B3GALNT2: variants seen among roughly 807,000 people sequenced by gnomAD.
B3GALNT2 encodes the protein beta-1,3-N-acetylgalactosaminyltransferase 2, also known as UDP-GalNAc:beta-1,3-N-acetylgalactosaminyltransferase 2.
Under a neutral mutation model 61.1 loss-of-function variants are expected in B3GALNT2, and 53 were observed. The observed-to-expected ratio is 0.87, with a 90% CI of 0.70 to 1.09. The LOEUF (loss-of-function observed/expected upper bound fraction) is 1.09. B3GALNT2 is among the 50% of genes least tolerant of loss of function. The pLI, the probability that B3GALNT2 is intolerant of heterozygous loss-of-function variation, is 0.00. For synonymous variants in B3GALNT2, 223 were observed against 237.4 expected (o/e 0.94, Z 0.56); for missense variants, 544 against 623.0 (o/e 0.87, Z 1.35).
At chr1:235,465,813 C>A in intron 6 of B3GALNT2, 99 bp from the exon 7 acceptor site, 1 of 1,400,730 alleles carries the variant, frequency 7.1e-7, no homozygotes, top group Non-Finnish European at 9.9e-7. Context: ...ACTCCACTTG[C>A]AGCAGATAAA....
intron 2 of B3GALNT2, among the ~76,000 whole-genome samples, chr1:235,493,831 T>C (rs1338379638): frequency 6.6e-6 from 1 of 152,074 alleles, no homozygotes; most frequent in Non-Finnish European, 1.5e-5. Flanking sequence ...CAGTCACAAA[T>C]GTGCCAGTGC....
At chr1:235,444,267 T>C (rs568437252), downstream of B3GALNT2, among the ~76,000 whole-genome samples, 4 of 152,366 alleles carry the variant, frequency 2.6e-5, no homozygotes, top group East Asian at 1.9e-4. Flanking sequence ...TCCTGTAATA[T>C]GTAATTTGGC....
intron 1 of B3GALNT2, among the ~76,000 whole-genome samples, chr1:235,497,661 T>C (rs1232168071): frequency 6.6e-6 from 1 of 152,230 alleles, no homozygotes; most frequent in East Asian, 1.9e-4. Flanking sequence ...TTTAATCTTT[T>C]CTTGATGTCT....
chr1:235,486,387 T>C lies in B3GALNT2; in HGVS notation c.362-1872A>G, dbSNP rs1265014194. Among the ~76,000 whole-genome samples the C allele has an allele frequency of 3.9e-5, 6 of 152,238 alleles. No homozygotes were observed. The East Asian group carries it at 9.6e-4, about 24-fold the overall frequency. On this transcript the variant is annotated intron_variant, in intron 3 of 11. Coordinates refer to ENST00000366600, the MANE Select transcript of B3GALNT2 (RefSeq NM_152490.5). The stretch of plus-strand genomic sequence containing the variant: ...ACAGATATCCATAGTAGAAACCTCT[T>C]TATTAAAAGCAATAAGTCAATTATA...
intron 1 of B3GALNT2, among the ~76,000 whole-genome samples, chr1:235,500,209 A>T (rs1184587582): frequency 6.6e-6 from 1 of 152,098 alleles, no homozygotes; most frequent in Non-Finnish European, 1.5e-5. Flanking sequence ...AGTCTAAGGG[A>T]GGGCCTGGCG....
intron 3 of B3GALNT2, among the ~76,000 whole-genome samples, chr1:235,486,849 A>G (rs998738466): frequency 5.3e-5 from 8 of 152,216 alleles, no homozygotes; most frequent in African/African-American, 1.9e-4. Flanking sequence ...GTGACATAAC[A>G]TTCTATGGGG....
At chr1:235,442,014 T>C in the B3GALNT2 span, 1 of 779,094 alleles carries the variant, frequency 1.3e-6, no homozygotes, top group African/African-American at 1.8e-5. Context: ...GAAAATTTTT[T>C]TTTTTTTTTT....
chr1:235,504,023 G>A, intron 1 of B3GALNT2, 118 bp downstream of exon 1: 1 of 1,078,394 alleles, frequency 9.3e-7, no homozygotes, highest in Non-Finnish European at 1.2e-6. Flanking sequence ...TTTCGTCTGG[G>A]GACCGTCGCG....
At chr1:235,491,818 T>C (rs969013002) in intron 2 of B3GALNT2, among the ~76,000 whole-genome samples, 2 of 152,020 alleles carry the variant, frequency 1.3e-5, no homozygotes, top group African/African-American at 4.8e-5. Context: ...GCTTCCCCCC[T>C]CTTTTCTTTA....
intron 7 of B3GALNT2, among the ~76,000 whole-genome samples, chr1:235,461,581 A>G (rs1159306743): frequency 7.9e-6 from 1 of 126,104 alleles, no homozygotes; most frequent in African/African-American, 3.1e-5. Context: ...CAGTAGCGCT[A>G]TCTCGGCTCA....
chr1:235,477,064 A>G (rs1403627354), intron 5 of B3GALNT2, among the ~76,000 whole-genome samples: 1 of 152,040 alleles, frequency 6.6e-6, no homozygotes, highest in Non-Finnish European at 1.5e-5. Context: ...TAGGGGAAAA[A>G]AAAGTCTTAA....
rs1408980715 is a variant in B3GALNT2, at chr1:235,449,002, C to T, written c.*1204G>A. ...TGATCTTATTTCATATTTATTTTTA[C>T]AGCTCATCACTGCATTTCATGATAA... On this transcript the variant is annotated 3_prime_UTR_variant, in exon 12 of 12. Transcript: ENST00000366600. 4 of 441,448 alleles carry T rather than the reference C, an allele frequency of 9.1e-6. No homozygotes were observed. The highest frequency in any genetic ancestry group is 6.5e-5 in the South Asian group (3 of 46,074). 27.3% of individuals were successfully genotyped at this position (441,448 alleles called of 1,614,324 possible).
intron 1 of B3GALNT2, among the ~76,000 whole-genome samples, chr1:235,499,660 CA>C (rs1685498035): frequency 6.6e-6 from 1 of 152,150 alleles, no homozygotes; most frequent in Non-Finnish European, 1.5e-5. Context: ...AGTAAAGATA[CA>C]GGAGAAAGTG....
At chr1:235,466,172 A>C (rs1292721700) in intron 6 of B3GALNT2, among the ~76,000 whole-genome samples, 1 of 152,016 alleles carries the variant, frequency 6.6e-6, no homozygotes, top group African/African-American at 2.4e-5. Context: ...CCAAATATTC[A>C]AATTGAACTC....
At chr1:235,484,799 C>T in intron 3 of B3GALNT2, 1 of 307,366 alleles carries the variant, frequency 3.3e-6, no homozygotes, top group Non-Finnish European at 5.7e-6. Flanking sequence ...ATAAACGCCA[C>T]AGGAGATATT....
At chr1:235,446,621 A>G (rs985449561), downstream of B3GALNT2, among the ~76,000 whole-genome samples, 5 of 152,014 alleles carry the variant, frequency 3.3e-5, no homozygotes, top group African/African-American at 4.8e-5. Flanking sequence ...TCATGTTACT[A>G]TATTAAAAAT....
intron 1 of B3GALNT2, chr1:235,496,355 AT>A: frequency 1.0e-6 from 1 of 974,188 alleles, no homozygotes; most frequent in South Asian, 2.3e-5. Context: ...AGAGGTATTT[AT>A]TATTTCACTC....
In B3GALNT2 at chr1:235,494,747, T is replaced by A. The variant is rs552791526; in HGVS notation, c.194A>T (p.Glu65Val). Residue 65 changes from glutamate (E) to valine (V), a missense_variant, in exon 2 of 12, where the codon GAA becomes GTA. Transcript: ENST00000366600. ...VGVLSARNNHELRNVIRSTWM... is the reference protein window; with the variant it reads ...VGVLSARNNHVLRNVIRSTWM... ...GGTGCTTCTTATCACGTTTCGAAGT[T>A]CATGGTTATTGCGAGCTGACAACAC... 6.2e-7 allele frequency: 1 copy of A among 1,612,942 alleles called. No individual in the cohort carries two copies. The highest frequency in any genetic ancestry group is 2.2e-5 in the East Asian group (1 of 44,868).
intron 1 of B3GALNT2, among the ~76,000 whole-genome samples, chr1:235,502,871 T>G (rs1004557858): frequency 6.6e-5 from 10 of 152,212 alleles, no homozygotes. Context: ...TGGCGTTCTC[T>G]TCTTAGTTCA....
Sources: allele counts gnomAD v4.1 joint callset (sites outside exome capture counted in the v4.1 genomes callset), GRCh38; gene constraint gnomAD v4.1.1; transcripts MANE v1.5; gene names NCBI Gene and HGNC (gene_info 2026-07-23, HGNC 2026-07-21).